Variants in ARL15 observed in about 807,000 individuals in gnomAD.
ARL15 encodes ADP-ribosylation factor-like protein 15.
Under a neutral mutation model 25.2 loss-of-function variants are expected in ARL15, and 19 were observed. That is an observed-to-expected ratio of 0.75 (90% CI 0.53 to 1.10). ARL15 has a LOEUF of 1.10. Among genes scored for constraint, ARL15 ranks in the 50% least tolerant of loss-of-function variants. The probability of loss-of-function intolerance (pLI) is 0.00; values close to 1 mark genes in which losing one functional copy is unlikely to be tolerated. For missense variants in ARL15, 220 were observed against 246.0 expected, an observed-to-expected ratio of 0.89 and a Z score of 0.71; for synonymous variants, 94 against 86.8, an observed-to-expected ratio of 1.08 and a Z score of -0.46.
At chr5:54,293,755 A>G (rs1022828396) in intron 1 of ARL15, among the ~76,000 whole-genome samples, 5 of 152,214 alleles carry the variant, frequency 3.3e-5, no homozygotes, top group African/African-American at 1.2e-4. Context: ...TGGCCTTCCT[A>G]TGATCATGAC....
intron 4 of ARL15, among the ~76,000 whole-genome samples, chr5:53,949,664 A>G (rs1341323314): frequency 2.0e-5 from 3 of 152,214 alleles, no homozygotes; most frequent in African/African-American, 7.2e-5. Flanking sequence ...GGCCTGACTT[A>G]ATCCAAAAAT....
intron 4 of ARL15, among the ~76,000 whole-genome samples, chr5:53,899,345 CCCAAAAAAAAAAAAAAAA>C (rs1744981985): frequency 2.0e-5 from 1 of 51,232 alleles, no homozygotes; most frequent in Non-Finnish European, 3.1e-5. Context: ...GAGACTCTAT[CCCAAAAAAAAAAAAAAAA>C]AAAAAAAAAA....
intron 3 of ARL15, among the ~76,000 whole-genome samples, chr5:54,149,101 C>T (rs1465615243): frequency 6.6e-6 from 1 of 152,158 alleles, no homozygotes; most frequent in Non-Finnish European, 1.5e-5. Context: ...TTCAACTCAG[C>T]TAAATGCCAG....
intron 4 of ARL15, among the ~76,000 whole-genome samples, chr5:54,102,023 T>TG (rs1407559972): frequency 6.6e-6 from 1 of 151,344 alleles, no homozygotes; most frequent in African/African-American, 2.4e-5. Context: ...TGTTTTGTTT[T>TG]TTTTTTTGAG....
intron 3 of ARL15, among the ~76,000 whole-genome samples, chr5:54,141,146 AT>A (rs397841194): frequency 2.0e-5 from 3 of 150,540 alleles, no homozygotes; most frequent in South Asian, 2.2e-4. Context: ...TGAATCTGTC[AT>A]TTTTTTTTAT....
intron 4 of ARL15, among the ~76,000 whole-genome samples, chr5:54,095,515 A>G (rs115524294): frequency 0.011 from 1,628 of 152,264 alleles, 35 homozygotes; most frequent in African/African-American, 0.037. Context: ...GCTGGTTACA[A>G]CCAGGAAAGC....
chr5:54,199,999 G>A (rs561749339), intron 1 of ARL15, among the ~76,000 whole-genome samples: 74 of 151,298 alleles, frequency 4.9e-4, no homozygotes, highest in African/African-American at 1.7e-3. Context: ...TTGTAGGAAC[G>A]TGGATGAAAT....
chr5:54,291,850 CA>C (rs1221957802), intron 1 of ARL15, among the ~76,000 whole-genome samples: 1 of 152,166 alleles, frequency 6.6e-6, no homozygotes, highest in Non-Finnish European at 1.5e-5. Context: ...ACCCAACTCC[CA>C]GCCACAACTG....
At chr5:53,892,495 A>C (rs550740190) in intron 4 of ARL15, among the ~76,000 whole-genome samples, 3 of 152,354 alleles carry the variant, frequency 2.0e-5, no homozygotes, top group African/African-American at 7.2e-5. Flanking sequence ...TGTAAGTTTA[A>C]ATACACAGTG....
chr5:54,194,592 C>A (rs1196288931), intron 1 of ARL15, among the ~76,000 whole-genome samples: 1 of 152,138 alleles, frequency 6.6e-6, no homozygotes, highest in Non-Finnish European at 1.5e-5. Context: ...GCTGTACTTT[C>A]CAGCCACCTA....
rs113729166 is a variant in ARL15, at chr5:54,087,221, G to A, written c.462+25981C>T. The stretch of plus-strand genomic sequence containing the variant: ...CAGGTGCCTGTAGTCCCAGCTACTC[G>A]GGAGGCTCAGGCATGAGAATGGTGT... On this transcript the variant is annotated intron_variant, in intron 4 of 4. Transcript: ENST00000504924. 3.7e-3 allele frequency among the ~76,000 whole-genome samples: 561 copies of A among 152,178 alleles called. 7 individuals carry two copies. Among genetic ancestry groups the A allele is most frequent in the African/African-American group, 0.013 (519 of 41,520 alleles).
intron 1 of ARL15, among the ~76,000 whole-genome samples, chr5:54,206,531 T>C (rs1755873588): frequency 6.6e-6 from 1 of 152,152 alleles, no homozygotes; most frequent in African/African-American, 2.4e-5. Context: ...GAAAGAAATC[T>C]AAGAGGTAAG....
intron 1 of ARL15, among the ~76,000 whole-genome samples, chr5:54,265,974 G>A (rs1757613388): frequency 6.6e-6 from 1 of 152,190 alleles, no homozygotes; most frequent in Non-Finnish European, 1.5e-5. Context: ...GGGGTTCAGA[G>A]ATGTTAAGTG....
At chr5:54,028,164 G>A (rs1206547253) in intron 4 of ARL15, among the ~76,000 whole-genome samples, 2 of 151,952 alleles carry the variant, frequency 1.3e-5, no homozygotes, top group Non-Finnish European at 2.9e-5. Flanking sequence ...CTTGTGATCC[G>A]CCTGTCTCGG....
intron 4 of ARL15, among the ~76,000 whole-genome samples, chr5:53,925,527 G>C (rs984174133): frequency 2.0e-5 from 3 of 152,194 alleles, no homozygotes; most frequent in Non-Finnish European, 4.4e-5. Flanking sequence ...TTGGGGCAGG[G>C]CACAGTGGCT....
At chr5:53,980,205 T>C (rs986442595) in intron 4 of ARL15, among the ~76,000 whole-genome samples, 1 of 152,250 alleles carries the variant, frequency 6.6e-6, no homozygotes, top group African/African-American at 2.4e-5. Flanking sequence ...TATCTCTATC[T>C]TCCATTTTCC....
intron 2 of ARL15, among the ~76,000 whole-genome samples, chr5:54,167,603 C>T (rs878966679): frequency 3.3e-5 from 5 of 150,590 alleles, no homozygotes; most frequent in Admixed American, 3.3e-4. Flanking sequence ...ACAAGAAGTC[C>T]TCACTCATCC....
intron 1 of ARL15, among the ~76,000 whole-genome samples, chr5:54,289,756 C>T (rs985511066): frequency 1.3e-5 from 2 of 152,068 alleles, no homozygotes; most frequent in Non-Finnish European, 2.9e-5. Context: ...CATAGTAGTA[C>T]CTATTTCATT....
intron 4 of ARL15, among the ~76,000 whole-genome samples, chr5:53,961,391 G>A (rs535987490): frequency 3.3e-5 from 5 of 151,394 alleles, no homozygotes; most frequent in African/African-American, 4.8e-5. Flanking sequence ...CCAGCTACTC[G>A]GGAGGCTGAG....
Sources: allele counts gnomAD v4.1 joint callset (sites outside exome capture counted in the v4.1 genomes callset), GRCh38; gene constraint gnomAD v4.1.1; transcripts MANE v1.5; gene names NCBI Gene and HGNC (gene_info 2026-07-23, HGNC 2026-07-21).